The following ZMYND11 variants were observed in gnomAD, a reference collection of about 807,000 sequenced individuals.
ZMYND11 encodes zinc finger MYND domain-containing protein 11.
Under a neutral mutation model 84.9 loss-of-function variants are expected in ZMYND11, and 9 were observed. The observed-to-expected ratio is 0.11, with a 90% CI of 0.06 to 0.18. The LOEUF is 0.18. ZMYND11 is among the 10% of genes least tolerant of loss of function. The pLI, the probability that ZMYND11 is intolerant of heterozygous loss-of-function variation, is 1.00. For missense variants in ZMYND11, 409 were observed against 761.0 expected (o/e 0.54, Z 5.44); for synonymous variants, 250 against 244.1 (o/e 1.02, Z -0.23).
chr10:168,272 A>G (rs562068548), intron 1 of ZMYND11, among the ~76,000 whole-genome samples: 54 of 152,260 alleles, frequency 3.5e-4, no homozygotes, highest in African/African-American at 1.3e-3. Context: ...TGGGGCACCA[A>G]TAAAAGACCA....
At chr10:243,285 G>A (rs1157000156) in intron 10 of ZMYND11, among the ~76,000 whole-genome samples, 1 of 152,130 alleles carries the variant, frequency 6.6e-6, no homozygotes, top group Non-Finnish European at 1.5e-5. Flanking sequence ...ATAAATGTCA[G>A]CTTTTATAAT....
chr10:202,168 C>G (rs1943297954), intron 2 of ZMYND11, among the ~76,000 whole-genome samples: 1 of 152,094 alleles, frequency 6.6e-6, no homozygotes, highest in Non-Finnish European at 1.5e-5. Context: ...ATTATTAATT[C>G]CAGAAAATCT....
chr10:210,479 A>C (rs1411954056), intron 3 of ZMYND11, among the ~76,000 whole-genome samples: 1 of 152,240 alleles, frequency 6.6e-6, no homozygotes, highest in Non-Finnish European at 1.5e-5. Flanking sequence ...GGCAGGCTTC[A>C]GTAGGAATTT....
At chr10:218,997 A>G (rs1415610870) in intron 3 of ZMYND11, among the ~76,000 whole-genome samples, 1 of 152,210 alleles carries the variant, frequency 6.6e-6, no homozygotes, top group Non-Finnish European at 1.5e-5. Context: ...AAAACAATCA[A>G]CAGCACTGCT....
At chr10:147,160 T>C (rs1839084885) in intron 1 of ZMYND11, among the ~76,000 whole-genome samples, 1 of 152,216 alleles carries the variant, frequency 6.6e-6, no homozygotes, top group Non-Finnish European at 1.5e-5. Flanking sequence ...GAAGAGTCTT[T>C]AGGGTTTTCT....
At chr10:170,086 T>C (rs538217581) in intron 1 of ZMYND11, among the ~76,000 whole-genome samples, 2 of 152,100 alleles carry the variant, frequency 1.3e-5, no homozygotes, top group East Asian at 1.9e-4. Context: ...CATCTGACTT[T>C]TCTTCAGAAA....
At chr10:137,502 A>G (rs1836391913) in intron 1 of ZMYND11, among the ~76,000 whole-genome samples, 2 of 152,208 alleles carry the variant, frequency 1.3e-5, no homozygotes, top group Non-Finnish European at 2.9e-5. Context: ...AAACTGAGAA[A>G]TATAGTAATT....
intron 1 of ZMYND11, among the ~76,000 whole-genome samples, chr10:152,251 A>G (rs1157524785): frequency 3.3e-5 from 5 of 152,230 alleles, no homozygotes; most frequent in African/African-American, 4.8e-5. Context: ...AAATGCTCCA[A>G]TTAAAAGACA....
intron 8 of ZMYND11, 63 bp downstream of exon 8, chr10:240,174 CCACTCTTATCTACATTTTA>C: frequency 7.5e-7 from 1 of 1,327,752 alleles, no homozygotes; most frequent in East Asian, 2.5e-5. Context: ...TTTCAGGATT[CCACTCTTATCTACATTTTA>C]GTTGTGCCAT....
At chr10:190,546 G>T (rs1336582778) in intron 2 of ZMYND11, among the ~76,000 whole-genome samples, 1 of 152,126 alleles carries the variant, frequency 6.6e-6, no homozygotes, top group East Asian at 1.9e-4. Flanking sequence ...AATTCTGTCA[G>T]TTATTTTTCT....
chr10:144,044 GT>G (rs1222638119), intron 1 of ZMYND11, among the ~76,000 whole-genome samples: 5 of 149,642 alleles, frequency 3.3e-5, no homozygotes, highest in South Asian at 2.1e-4. Context: ...TCATTTGAAA[GT>G]TTTTTTTTAA....
chr10:234,982 A>ATTGTGTGTGTG (rs111765274), intron 4 of ZMYND11, among the ~76,000 whole-genome samples: 1 of 148,884 alleles, frequency 6.7e-6, no homozygotes, highest in South Asian at 2.2e-4. Context: ...TATTTCGCAA[A>ATTGTGTGTGTG]TGTGTGTGTG....
intron 14 of ZMYND11, chr10:249,451 T>G: frequency 2.0e-6 from 2 of 985,198 alleles, no homozygotes; most frequent in Non-Finnish European, 2.4e-6. Flanking sequence ...AATGGTGAAA[T>G]TATAAATGTA....
At chr10:162,793 T>C (rs968650786) in intron 1 of ZMYND11, among the ~76,000 whole-genome samples, 1 of 152,202 alleles carries the variant, frequency 6.6e-6, no homozygotes, top group African/African-American at 2.4e-5. Context: ...TAAATTTACA[T>C]GTTTATTGGT....
chr10:216,641 T>C (rs1402999132), intron 3 of ZMYND11, among the ~76,000 whole-genome samples: 2 of 152,214 alleles, frequency 1.3e-5, no homozygotes, highest in East Asian at 3.9e-4. Context: ...TATCGGTGAT[T>C]ATTAGAAATC....
chr10:247,008 T>G (rs1452733688), intron 11 of ZMYND11, 35 bp downstream of exon 11: 1 of 1,545,924 alleles, frequency 6.5e-7, no homozygotes, highest in Non-Finnish European at 8.8e-7. Context: ...GCCTATTCAT[T>G]ATTACTTTTA....
At chr10:187,613 T>G (rs1405557761) in intron 2 of ZMYND11, among the ~76,000 whole-genome samples, 3 of 140,220 alleles carry the variant, frequency 2.1e-5, no homozygotes, top group Middle Eastern at 3.6e-3. Flanking sequence ...CGGCCTGGGC[T>G]AAACAGCGGG....
intron 2 of ZMYND11, among the ~76,000 whole-genome samples, chr10:199,639 G>T (rs571212909): frequency 1.3e-3 from 190 of 151,912 alleles, no homozygotes; most frequent in African/African-American, 4.2e-3. Flanking sequence ...TTACTATGCT[G>T]CCCAGCTGGT....
chr10:204,633 G>C (rs1465002158), intron 2 of ZMYND11, among the ~76,000 whole-genome samples: 1 of 152,070 alleles, frequency 6.6e-6, no homozygotes, highest in African/African-American at 2.4e-5. Context: ...AAGGAAAAGT[G>C]ACAACCACAG....
Sources: gnomAD v4.1 joint callset for allele counts (sites outside exome capture counted in the v4.1 genomes callset) on GRCh38, gnomAD v4.1.1 for gene constraint, MANE v1.5 for transcripts, NCBI Gene and HGNC (gene_info 2026-07-23, HGNC 2026-07-21) for gene names.